The following IQCM variants were observed in gnomAD, a reference collection of about 807,000 sequenced individuals.
IQCM encodes the protein IQ domain-containing protein M.
Under a neutral mutation model 57.6 loss-of-function variants are expected in IQCM, and 45 were observed. The ratio of observed to expected loss-of-function variants is 0.78; its 90% CI spans 0.62 to 1.00. IQCM has a LOEUF of 1.00. IQCM is among the 50% of genes least tolerant of loss of function. IQCM has a pLI of 0.00. For missense variants in IQCM, 468 were observed against 511.6 expected (o/e 0.91, Z 0.82); for synonymous variants, 148 against 158.9 (o/e 0.93, Z 0.51).
chr4:149,432,063 T>G (rs1390154894), intron 13 of IQCM, among the ~76,000 whole-genome samples: 3 of 151,620 alleles, frequency 2.0e-5, no homozygotes, highest in Non-Finnish European at 4.4e-5. Flanking sequence ...TCTTTTATTT[T>G]GGGTAATTAC....
At chr4:149,675,440 G>A (rs1761669817) in intron 7 of IQCM, among the ~76,000 whole-genome samples, 1 of 151,938 alleles carries the variant, frequency 6.6e-6, no homozygotes, top group Non-Finnish European at 1.5e-5. Flanking sequence ...GGGTGGCAGG[G>A]GAAGAAATGT....
intron 8 of IQCM, among the ~76,000 whole-genome samples, chr4:149,601,835 G>T (rs1287050643): frequency 6.6e-6 from 1 of 151,976 alleles, no homozygotes; most frequent in East Asian, 1.9e-4. Context: ...AAGGCAGGCA[G>T]ATCCCAAGAT....
At chr4:149,782,823 T>C (rs1771732993) in intron 2 of IQCM, among the ~76,000 whole-genome samples, 2 of 152,200 alleles carry the variant, frequency 1.3e-5, no homozygotes, top group Non-Finnish European at 2.9e-5. Context: ...ATGATAATCA[T>C]GTGAAACATT....
intron 7 of IQCM, among the ~76,000 whole-genome samples, chr4:149,649,116 T>C (rs951104866): frequency 9.2e-5 from 14 of 152,006 alleles, no homozygotes; most frequent in Admixed American, 5.2e-4. Flanking sequence ...GGCCACAACT[T>C]CTAAAGGATT....
chr4:149,489,500 G>T (rs935003466), intron 12 of IQCM, among the ~76,000 whole-genome samples: 5 of 151,920 alleles, frequency 3.3e-5, no homozygotes, highest in Non-Finnish European at 7.4e-5. Flanking sequence ...AAAACCAAAT[G>T]AATAATTACT....
chr4:149,427,089 T>C (rs1183693574), intron 13 of IQCM, among the ~76,000 whole-genome samples: 1 of 151,912 alleles, frequency 6.6e-6, no homozygotes, highest in African/African-American at 2.4e-5. Context: ...CTAGATGTTC[T>C]TCCTAGATTT....
At chr4:149,595,687 G>A (rs1473818056) in intron 8 of IQCM, among the ~76,000 whole-genome samples, 1 of 152,012 alleles carries the variant, frequency 6.6e-6, no homozygotes, top group African/African-American at 2.4e-5. Flanking sequence ...GAATCAGGAG[G>A]TACCAAACAC....
intron 8 of IQCM, among the ~76,000 whole-genome samples, chr4:149,611,655 A>G (rs980833797): frequency 6.6e-6 from 1 of 152,070 alleles, no homozygotes; most frequent in African/African-American, 2.4e-5. Context: ...GGAGAGAGGG[A>G]GTAAAATGAT....
chr4:149,422,433 T>C (rs1734183201), intron 13 of IQCM, among the ~76,000 whole-genome samples: 1 of 152,006 alleles, frequency 6.6e-6, no homozygotes, highest in Non-Finnish European at 1.5e-5. Context: ...GCAGTATTTC[T>C]TTCAGATTTT....
intron 13 of IQCM, among the ~76,000 whole-genome samples, chr4:149,395,655 T>C (rs112007702): frequency 6.6e-6 from 1 of 151,952 alleles, no homozygotes; most frequent in Non-Finnish European, 1.5e-5. Context: ...AAAGAATGAA[T>C]CTAATGTTAT....
intron 7 of IQCM, among the ~76,000 whole-genome samples, chr4:149,649,783 A>G (rs1207790011): frequency 1.3e-5 from 2 of 152,166 alleles, no homozygotes; most frequent in Non-Finnish European, 2.9e-5. Context: ...ATAGCTAGGA[A>G]ATGCTGGATT....
chr4:149,405,899 T>C, intron 13 of IQCM, among the ~76,000 whole-genome samples: 2 of 147,646 alleles, frequency 1.4e-5, no homozygotes, highest in South Asian at 4.2e-4. Context: ...CATATATATA[T>C]ATATATATAT....
At chr4:149,352,488 G>T (rs541596052) in intron 13 of IQCM, among the ~76,000 whole-genome samples, 1 of 152,310 alleles carries the variant, frequency 6.6e-6, no homozygotes, top group East Asian at 1.9e-4. Flanking sequence ...TGTAGCTACT[G>T]TATTAGGTAT....
intron 2 of IQCM, among the ~76,000 whole-genome samples, chr4:149,751,381 A>T (rs970149316): frequency 1.3e-5 from 2 of 152,142 alleles, no homozygotes; most frequent in Non-Finnish European, 2.9e-5. Flanking sequence ...AAGAGCACAG[A>T]CTTGCTCAGA....
At chr4:149,592,864 G>T (rs1317640095) in intron 8 of IQCM, among the ~76,000 whole-genome samples, 1 of 152,136 alleles carries the variant, frequency 6.6e-6, no homozygotes, top group African/African-American at 2.4e-5. Flanking sequence ...CTGTAGCCTT[G>T]TAGTATAGTT....
intron 13 of IQCM, among the ~76,000 whole-genome samples, chr4:149,376,118 T>C (rs1343156854): frequency 6.6e-6 from 1 of 152,180 alleles, no homozygotes; most frequent in African/African-American, 2.4e-5. Context: ...GAAATATTCC[T>C]ACCCCACACT....
intron 9 of IQCM, among the ~76,000 whole-genome samples, chr4:149,581,980 G>A (rs1318193208): frequency 6.6e-6 from 1 of 151,338 alleles, no homozygotes; most frequent in African/African-American, 2.4e-5. Context: ...GGTTTGGTGG[G>A]GAATTGTTTG....
At chr4:149,581,514 A>T (rs1752181292) in intron 9 of IQCM, among the ~76,000 whole-genome samples, 1 of 151,652 alleles carries the variant, frequency 6.6e-6, no homozygotes, top group Non-Finnish European at 1.5e-5. Flanking sequence ...AACAGGAAGG[A>T]AGGAGAAAGG....
At chr4:149,763,084 A>G (rs1172706676) in intron 2 of IQCM, among the ~76,000 whole-genome samples, 1 of 152,082 alleles carries the variant, frequency 6.6e-6, no homozygotes, top group African/African-American at 2.4e-5. Context: ...ATCTAATTAA[A>G]TTTAATCTAA....
Sources: allele counts gnomAD v4.1 joint callset (sites outside exome capture counted in the v4.1 genomes callset), GRCh38; gene constraint gnomAD v4.1.1; transcripts MANE v1.5; gene names NCBI Gene and HGNC (gene_info 2026-07-23, HGNC 2026-07-21).